PCDHB12: variants seen among roughly 807,000 people sequenced by gnomAD.
PCDHB12 encodes the protein protocadherin beta-12.
For synonymous variants in PCDHB12, 560 were observed against 445.2 expected (o/e 1.26, Z -3.24); for missense variants, 1,192 against 998.2 (o/e 1.19, Z -2.62).
At position 141,210,372 on chromosome 5, in the gene PCDHB12, T is replaced by C. The variant is rs1588387026; in HGVS notation, c.1465T>C (p.Ser489Pro). The C allele has an allele frequency of 6.2e-7, 1 of 1,612,962 alleles. No homozygotes were observed. The highest frequency in any genetic ancestry group is 8.5e-7 in the Non-Finnish European group (1 of 1,180,030). Reference sequence around the variant, plus strand: ...GGGCACCAACGCCCAGGTCAACTACTCGCTGCTGCCGTCCCAGGACCCGCA... The same window carrying C: ...GGGCACCAACGCCCAGGTCAACTACCCGCTGCTGCCGTCCCAGGACCCGCA... ...DSGTNAQVNY[S>P]LLPSQDPHLP... Residue 489 changes from serine (S) to proline (P), a missense_variant, in exon 1 of 1, where the codon TCG becomes CCG. Physicochemically the swap from Ser to Pro is moderately conservative, Grantham distance 74. Coordinates refer to ENST00000239450, the MANE Select transcript of PCDHB12 (RefSeq NM_018932.4).
Position 141,210,081 on chromosome 5 carries a change from G to C in PCDHB12, c.1174G>C (p.Val392Leu), listed in dbSNP as rs201620775. ...VCSIPEDIPF[V>L]LKSSVNNYYT... is the part of the protein sequence containing the mutation. ...TTCTATCCCGGAGGACATCCCATTC[G>C]TGCTAAAATCTTCGGTAAATAATTA... The change falls in exon 1 of 1, where the codon GTG (valine) becomes CTG (leucine). Residue 392 changes from valine to leucine, a missense_variant. By Grantham distance (32) the Val-to-Leu change is conservative. Transcript: ENST00000239450. The C allele has an allele frequency of 2.5e-6, 4 of 1,614,040 alleles. No homozygotes were observed. The highest frequency in any genetic ancestry group is 2.5e-6 in the Non-Finnish European group (3 of 1,180,044).
chr5:141,210,696 G>A lies in PCDHB12; in HGVS notation c.1789G>A (p.Gly597Ser). ...GGTGGTGGCGGTGGACGGTGACTCG[G>A]GCCAGAACGCCTGGCTGTCGTACCA... ...TKVVAVDGDSGQNAWLSYQLL... is the reference protein window; with the variant it reads ...TKVVAVDGDSSQNAWLSYQLL... The change falls in exon 1 of 1, where the codon GGC becomes AGC. Residue 597 changes from glycine to serine, a missense_variant. By Grantham distance (56) the Gly-to-Ser change is moderately conservative. Coordinates refer to ENST00000239450, the MANE Select transcript of PCDHB12 (RefSeq NM_018932.4). The A allele has an allele frequency of 6.2e-7, 1 of 1,610,108 alleles. No individual in the cohort carries two copies. Among genetic ancestry groups the A allele is most frequent in the African/African-American group, 1.3e-5 (1 of 74,978 alleles).
rs1216761913 is a variant in PCDHB12 at position 141,210,169 on chromosome 5, T to C, written c.1262T>C (p.Ile421Thr). ...AGCAGAGCCGAGTACAACATCACCA[T>C]CACCGTCACCGACTTGGGGACCCCC... Reference protein sequence around the residue: ...RESRAEYNITITVTDLGTPRL... With the variant: ...RESRAEYNITTTVTDLGTPRL... The change falls in exon 1 of 1, where the codon ATC (isoleucine) becomes ACC (threonine). Residue 421 changes from isoleucine (I) to threonine (T), a missense_variant. Coordinates refer to ENST00000239450, the MANE Select transcript of PCDHB12 (RefSeq NM_018932.4). The C allele has an allele frequency of 6.2e-7, 1 of 1,613,966 alleles. No homozygotes were observed. The highest frequency in any genetic ancestry group is 1.3e-5 in the African/African-American group (1 of 74,910).
chr5:141,209,795 A>G lies in PCDHB12; in HGVS notation c.888A>G (p.Gln296=), dbSNP rs782650834. 27 of 1,614,220 alleles carry G rather than the reference A, an allele frequency of 1.7e-5. No homozygotes were observed. Among genetic ancestry groups the G allele is most frequent in the Non-Finnish European group, 2.2e-5 (26 of 1,180,028 alleles). Residue 296 remains glutamine, a synonymous_variant, in exon 1 of 1, where the codon CAA becomes CAG. Coordinates refer to ENST00000239450, the MANE Select transcript of PCDHB12 (RefSeq NM_018932.4). Reference sequence around the variant, plus strand: ...TTCGCAAGACATTTGAAATTAATCAAAAGTCTGGTGACATTACTTTAACAG... The same window carrying G: ...TTCGCAAGACATTTGAAATTAATCAGAAGTCTGGTGACATTACTTTAACAG... The part of the protein sequence containing the change: ...EDIRKTFEIN[Q]KSGDITLTAP...
In PCDHB12 at chr5:141,209,030, C is replaced by T. The variant is rs782204820; in HGVS notation, c.123C>T (p.Ser41=). Residue 41 remains serine (S), a synonymous_variant, in exon 1 of 1, where the codon AGC becomes AGT. Transcript: ENST00000239450. The part of the protein sequence containing the change: ...GNFLVMEELQ[S]GSFVGNLAKT... ...TTTTGGTGATGGAGGAATTGCAGAG[C>T]GGGAGCTTTGTAGGAAATTTGGCAA... The T allele has an allele frequency of 9.3e-6, 15 of 1,610,986 alleles. No individual in the cohort carries two copies. Among genetic ancestry groups the T allele is most frequent in the East Asian group, 4.5e-5 (2 of 44,838 alleles).
rs782711021 is a variant in PCDHB12 at position 141,210,973 on chromosome 5, A to G, written c.2066A>G (p.Tyr689Cys). ...AQAQADSLTV[Y>C]LVVALASVSS... ...GCCCAGGCCGACTCGCTCACTGTCT[A>G]CCTGGTGGTGGCGTTGGCCTCAGTG... The change falls in exon 1 of 1, where the codon TAC (tyrosine) becomes TGC (cysteine). Residue 689 changes from tyrosine (Y) to cysteine (C), a missense_variant. Physicochemically the swap from Tyr to Cys is radical, Grantham distance 194. Transcript: ENST00000239450. The G allele has an allele frequency of 1.9e-6, 3 of 1,610,010 alleles. No individual in the cohort carries two copies. The highest frequency in any genetic ancestry group is 2.5e-6 in the Non-Finnish European group (3 of 1,179,546).
At position 141,209,658 on chromosome 5, in the gene PCDHB12, A is replaced by G. The variant is rs1554286704; in HGVS notation, c.751A>G (p.Ile251Val). 28 of 1,614,156 alleles carry G rather than the reference A, an allele frequency of 1.7e-5. No individual in the cohort carries two copies. Among genetic ancestry groups the G allele is most frequent in the Non-Finnish European group, 2.0e-5 (24 of 1,180,022 alleles). ...EFEQAFYEVK[I>V]LENSILGSLV... ...TGAGCAGGCTTTTTATGAGGTGAAG[A>G]TTCTGGAGAATAGCATCCTTGGCTC... Residue 251 changes from isoleucine (I) to valine (V), a missense_variant, in exon 1 of 1, where the codon ATT becomes GTT. Ile to Val is a conservative substitution (Grantham distance 29). Coordinates refer to ENST00000239450, the MANE Select transcript of PCDHB12 (RefSeq NM_018932.4).
rs201142572 is a variant in PCDHB12 at position 141,211,065 on chromosome 5, G to A, written c.2158G>A (p.Ala720Thr). 39 of 1,613,156 alleles carry A rather than the reference G, an allele frequency of 2.4e-5. No homozygotes were observed. The highest frequency in any genetic ancestry group is 3.3e-5 in the Admixed American group (2 of 60,014). Residue 720 changes from alanine to threonine, a missense_variant, in exon 1 of 1, where the codon GCC (alanine) becomes ACC (threonine). Transcript: ENST00000239450. ...GCGGCTGTGCAGGAGGAGCAGGGCG[G>A]CCCCGGTCGGTCGCTGCTCGGTGCC... Reference protein sequence around the residue: ...AVRLCRRSRAAPVGRCSVPEG... With the variant: ...AVRLCRRSRATPVGRCSVPEG...
In PCDHB12 at chr5:141,211,403, C is replaced by G. The variant is rs782537439; in HGVS notation, c.*108C>G. On this transcript the variant is annotated 3_prime_UTR_variant, in exon 1 of 1. Transcript: ENST00000239450. ...TTGATCACTTCAAATACATACTCTT[C>G]AAGTCAAGAAATAAATTTCTTTACA... is the stretch of plus-strand genomic sequence containing the variant. The G allele has an allele frequency of 9.1e-7, 1 of 1,099,592 alleles. No homozygotes were observed. Among genetic ancestry groups the G allele is most frequent in the South Asian group, 1.4e-5 (1 of 70,318 alleles). The allele number at this position is 1,099,592 out of a possible 1,614,324, so 68.1% of individuals were successfully genotyped here.
chr5:141,209,248 C>T lies in PCDHB12; in HGVS notation c.341C>T (p.Thr114Met), dbSNP rs143200514. Residue 114 changes from threonine (T) to methionine (M), a missense_variant, in exon 1 of 1, where the codon ACG (threonine) becomes ATG (methionine). Coordinates refer to ENST00000239450, the MANE Select transcript of PCDHB12 (RefSeq NM_018932.4). ...TTCCAAGTGTTAATGAAAAACCCCA[C>T]GCAGTTTTTACAAATTGAGCTCCAG... ...LYFQVLMKNP[T>M]QFLQIELQVR... is the part of the protein sequence containing the mutation. The T allele has an allele frequency of 1.9e-5, 30 of 1,614,030 alleles. No individual in the cohort carries two copies. In the Admixed American group the frequency reaches 4.5e-4, roughly 24 times the overall value.
At position 141,208,723 on chromosome 5, in the gene PCDHB12, C is replaced by T; in HGVS notation, c.-185C>T. On this transcript the variant is annotated 5_prime_UTR_variant, in exon 1 of 1. Transcript: ENST00000239450. ...ATGTTGTAGACCCTGTTATCCAGTA[C>T]ACGCGGAGAACTGGGAAGACAGAAA... 1 of 472,658 alleles carries T rather than the reference C, an allele frequency of 2.1e-6. No homozygotes were observed. Among genetic ancestry groups the T allele is most frequent in the Non-Finnish European group, 3.6e-6 (1 of 276,002 alleles). The allele number at this position is 472,658 out of a possible 1,614,324, so 29.3% of individuals were successfully genotyped here.
rs782606234 is a variant in PCDHB12, at chr5:141,211,461, C to T, written c.*166C>T. ...GGATACAGATTTAGTACCAAGAACA[C>T]TTCACAAAGCAGGAAATGTGCATGT... On this transcript the variant is annotated 3_prime_UTR_variant, in exon 1 of 1. Transcript: ENST00000239450. The T allele has an allele frequency of 5.1e-6, 4 of 778,508 alleles. No homozygotes were observed. Among genetic ancestry groups the T allele is most frequent in the South Asian group, 1.6e-5 (1 of 63,470 alleles). The allele number at this position is 778,508 out of a possible 1,614,324, so 48.2% of individuals were successfully genotyped here.
chr5:141,210,941 G>C lies in PCDHB12; in HGVS notation c.2034G>C (p.Pro678=), dbSNP rs1554287090. The C allele has an allele frequency of 3.1e-6, 5 of 1,611,358 alleles. No homozygotes were observed. The highest frequency in any genetic ancestry group is 3.3e-5 in the Admixed American group (2 of 60,024). ...QPYLPLPEAA[P]AQAQADSLTV... ...ACCTGCCTCTCCCGGAGGCGGCCCC[G>C]GCCCAGGCCCAGGCCGACTCGCTCA... is the stretch of plus-strand genomic sequence containing the variant. The change falls in exon 1 of 1, where the codon CCG becomes CCC. Residue 678 remains proline (P), a synonymous_variant. Transcript: ENST00000239450.
chr5:141,211,355 G>A lies in PCDHB12; in HGVS notation c.*60G>A, dbSNP rs1754458499. ...ACATTTATAATTAGGAACTTATCGT[G>A]AGGTGCCTGTAAAGTAGTATTTTTG... On this transcript the variant is annotated 3_prime_UTR_variant, in exon 1 of 1. Coordinates refer to ENST00000239450, the MANE Select transcript of PCDHB12 (RefSeq NM_018932.4). 4.1e-6 allele frequency: 6 copies of A among 1,478,244 alleles called. No homozygotes were observed. Among genetic ancestry groups the A allele is most frequent in the Non-Finnish European group, 5.5e-6 (6 of 1,087,884 alleles). 91.6% of individuals were successfully genotyped at this position (1,478,244 alleles called of 1,614,324 possible). A position where few individuals can be genotyped will look rare whatever the true frequency, so the allele number is the denominator to read the frequency against.
In PCDHB12 at chr5:141,209,610, A is replaced by G; in HGVS notation, c.703A>G (p.Ile235Val). The change falls in exon 1 of 1, where the codon ATT becomes GTT. Residue 235 changes from isoleucine (I) to valine (V), a missense_variant. Ile to Val is a conservative substitution (Grantham distance 29, BLOSUM62 3). Coordinates refer to ENST00000239450, the MANE Select transcript of PCDHB12 (RefSeq NM_018932.4). ...CTTGGTCAGGGTGGTGGTTGTAGATATTAATGACAACTCCCCTGAGTTTGA... is the reference window on the plus strand; with the variant it reads ...CTTGGTCAGGGTGGTGGTTGTAGATGTTAATGACAACTCCCCTGAGTTTGA... ...TALVRVVVVD[I>V]NDNSPEFEQA... 1 of 1,614,160 alleles carries G rather than the reference A, an allele frequency of 6.2e-7. No individual in the cohort carries two copies. Among genetic ancestry groups the G allele is most frequent in the South Asian group, 1.1e-5 (1 of 91,078 alleles).
chr5:141,209,100 C>T lies in PCDHB12; in HGVS notation c.193C>T (p.Arg65Trp), dbSNP rs376801357. Residue 65 changes from arginine (R) to tryptophan (W), a missense_variant, in exon 1 of 1, where the codon CGG (arginine) becomes TGG (tryptophan). Transcript: ENST00000239450. ...GAGTGAGCTGTCTTCGCGGGGGGCT[C>T]GGGTGGTTTCTAATGATAACAAAGA... ...EVSELSSRGA[R>W]VVSNDNKECL... 12 of 1,613,658 alleles carry T rather than the reference C, an allele frequency of 7.4e-6. No homozygotes were observed. Among genetic ancestry groups the T allele is most frequent in the Admixed American group, 5.0e-5 (3 of 60,000 alleles).
chr5:141,210,007 T>C lies in PCDHB12; in HGVS notation c.1100T>C (p.Val367Ala), dbSNP rs782724499. Residue 367 changes from valine (V) to alanine (A), a missense_variant, in exon 1 of 1, where the codon GTT becomes GCT. By Grantham distance (64) the Val-to-Ala change is moderately conservative. Coordinates refer to ENST00000239450, the MANE Select transcript of PCDHB12 (RefSeq NM_018932.4). ...AACACTCCAGAGACTGTGGTTATGG[T>C]TTTCAGGATACGAGACAGAGACTCT... ...PENTPETVVM[V>A]FRIRDRDSGD... is the part of the protein sequence containing the mutation. 6.2e-7 allele frequency: 1 copy of C among 1,614,018 alleles called. No individual in the cohort carries two copies. Among genetic ancestry groups the C allele is most frequent in the East Asian group, 2.2e-5 (1 of 44,864 alleles).
Position 141,209,653 on chromosome 5 carries a change from T to C in PCDHB12, c.746T>C (p.Val249Ala). 6.2e-7 allele frequency: 1 copy of C among 1,614,186 alleles called. No homozygotes were observed. Among genetic ancestry groups the C allele is most frequent in the Non-Finnish European group, 8.5e-7 (1 of 1,180,030 alleles). The change falls in exon 1 of 1, where the codon GTG (valine) becomes GCG (alanine). Residue 249 changes from valine to alanine, a missense_variant. Physicochemically the swap from Val to Ala is moderately conservative, Grantham distance 64 (BLOSUM62 0). Transcript: ENST00000239450. ...SPEFEQAFYE[V>A]KILENSILGS... is the part of the protein sequence containing the mutation. ...GAGTTTGAGCAGGCTTTTTATGAGG[T>C]GAAGATTCTGGAGAATAGCATCCTT... is the stretch of plus-strand genomic sequence containing the variant.
In PCDHB12 at chr5:141,211,415, T is replaced by C; in HGVS notation, c.*120T>C. The C allele has an allele frequency of 1.9e-6, 2 of 1,037,058 alleles. No homozygotes were observed. Among genetic ancestry groups the C allele is most frequent in the Non-Finnish European group, 1.4e-6 (1 of 691,830 alleles). 64.2% of individuals were successfully genotyped at this position (1,037,058 alleles called of 1,614,324 possible). ...AATACATACTCTTCAAGTCAAGAAA[T>C]AAATTTCTTTACATAGAAAAGGATA... is the stretch of plus-strand genomic sequence containing the variant. On this transcript the variant is annotated 3_prime_UTR_variant, in exon 1 of 1. Coordinates refer to ENST00000239450, the MANE Select transcript of PCDHB12 (RefSeq NM_018932.4).
Sources: gnomAD v4.1 joint callset for allele counts on GRCh38, gnomAD v4.1.1 for gene constraint, MANE v1.5 for transcripts, NCBI Gene and HGNC (gene_info 2026-07-23, HGNC 2026-07-21) for gene names.